CNTLN: variants seen among roughly 807,000 people sequenced by gnomAD.
The protein encoded by CNTLN is centlein, centrosomal protein.
CNTLN carries 212 observed loss-of-function variants against 180.0 expected under a neutral mutation model. That is an observed-to-expected ratio of 1.18 (90% CI 1.05 to 1.32). CNTLN has a LOEUF of 1.32. Among genes scored for constraint, CNTLN ranks in the 40% most tolerant of loss-of-function variants. CNTLN has a pLI of 0.00. For synonymous variants in CNTLN, 722 were observed against 563.1 expected (o/e 1.28, Z -3.99); for missense variants, 2,095 against 1,610.9 (o/e 1.30, Z -5.14).
At chr9:17,522,197 A>G in the CNTLN span, among the ~76,000 whole-genome samples, 4 of 152,302 alleles carry the variant, frequency 2.6e-5, no homozygotes, top group East Asian at 7.7e-4. Context: ...CGTGGCTAGT[A>G]TAGTGCCTGC....
intron 15 of CNTLN, among the ~76,000 whole-genome samples, chr9:17,406,205 G>C (rs1827378662): frequency 6.6e-6 from 1 of 151,664 alleles, no homozygotes; most frequent in African/African-American, 2.4e-5. Flanking sequence ...CATCTACTCT[G>C]TCAGGAAATC....
At chr9:17,304,444 T>C (rs1049392143) in intron 7 of CNTLN, among the ~76,000 whole-genome samples, 4 of 152,176 alleles carry the variant, frequency 2.6e-5, no homozygotes, top group African/African-American at 9.6e-5. Flanking sequence ...CCAACATGGT[T>C]GGGGTACTAA....
chr9:17,137,355 G>C (rs1277644420), intron 1 of CNTLN, among the ~76,000 whole-genome samples: 2 of 152,156 alleles, frequency 1.3e-5, no homozygotes, highest in South Asian at 2.1e-4. Context: ...CAATTGTTTT[G>C]TAAAAAGCAT....
intron 12 of CNTLN, among the ~76,000 whole-genome samples, chr9:17,348,528 CTTTCTT>C (rs1564016413): frequency 1.3e-5 from 2 of 148,790 alleles, no homozygotes; most frequent in African/African-American, 5.0e-5. Context: ...TTCTTTCTTT[CTTTCTT>C]TTTTTTTTTT....
chr9:17,480,582 A>G (rs981914460), intron 23 of CNTLN, among the ~76,000 whole-genome samples: 2 of 152,196 alleles, frequency 1.3e-5, no homozygotes, highest in Non-Finnish European at 2.9e-5. Context: ...TTTCAAAGCC[A>G]TGTGGAACAT....
chr9:17,162,355 C>G (rs1048697865), intron 2 of CNTLN, among the ~76,000 whole-genome samples: 4 of 152,204 alleles, frequency 2.6e-5, no homozygotes, highest in African/African-American at 9.6e-5. Context: ...ACCTCATGAT[C>G]TGCCCGCCTC....
At chr9:17,307,979 C>G (rs1818842931) in intron 7 of CNTLN, among the ~76,000 whole-genome samples, 1 of 126,778 alleles carries the variant, frequency 7.9e-6, no homozygotes, top group African/African-American at 3.5e-5. Flanking sequence ...AAACCACACA[C>G]ACACACACAC....
Position 17,277,257 on chromosome 9 carries a change from G to T in CNTLN, c.983+3391G>T, listed in dbSNP as rs1384993835. On this transcript the variant is annotated intron_variant, in intron 6 of 25. Coordinates refer to ENST00000380647, the MANE Select transcript of CNTLN (RefSeq NM_017738.4). ...ATTCCTTGGTATCTGTGGGGGATTG[G>T]TTTAGATGGGGTAGATGGGGTAGAA... Among the ~76,000 whole-genome samples the T allele has an allele frequency of 4.0e-5, 3 of 75,644 alleles. 1 individual carries two copies. Among genetic ancestry groups the T allele is most frequent in the Non-Finnish European group, 8.3e-5 (3 of 36,222 alleles). 49.6% of individuals were successfully genotyped at this position (75,644 alleles called of 152,430 possible).
At chr9:17,281,238 C>T (rs150643797) in intron 6 of CNTLN, among the ~76,000 whole-genome samples, 2,678 of 151,870 alleles carry the variant, frequency 0.018, 89 homozygotes, top group African/African-American at 0.062. Flanking sequence ...ATTTTATTAC[C>T]CCCATTCCTT....
Position 17,406,567 on chromosome 9 carries a change from C to T in CNTLN, c.2616-2726C>T, listed in dbSNP as rs780679543. ...AGATTTCAGCCTGCCACCATTTTAC[C>T]TCCCATAATTTGGATTCCTTCCTCT... On this transcript the variant is annotated intron_variant, in intron 15 of 25. Coordinates refer to ENST00000380647, the MANE Select transcript of CNTLN (RefSeq NM_017738.4). Among the ~76,000 whole-genome samples, 7 of 151,826 alleles carry T rather than the reference C, an allele frequency of 4.6e-5. No individual in the cohort carries two copies. The East Asian group carries it at 1.4e-3, about 29-fold the overall frequency.
intron 8 of CNTLN, among the ~76,000 whole-genome samples, chr9:17,312,624 C>T (rs1285784597): frequency 3.5e-5 from 5 of 143,674 alleles, no homozygotes; most frequent in East Asian, 2.0e-4. Flanking sequence ...AGGACAATCT[C>T]GATCTCCTGG....
At chr9:17,237,199 A>AG in intron 5 of CNTLN, among the ~76,000 whole-genome samples, 1 of 152,174 alleles carries the variant, frequency 6.6e-6, no homozygotes, top group African/African-American at 2.4e-5. Flanking sequence ...TTTCAAAATA[A>AG]TACTTTTTTA....
chr9:17,340,707 A>G, intron 10 of CNTLN, 120 bp from the exon 11 acceptor site: 1 of 733,232 alleles, frequency 1.4e-6, no homozygotes, highest in Middle Eastern at 2.9e-4. Flanking sequence ...TTACAGATTC[A>G]TTTATGTTTA....
intron 7 of CNTLN, among the ~76,000 whole-genome samples, chr9:17,304,364 C>T (rs373664812): frequency 6.6e-6 from 1 of 152,106 alleles, no homozygotes; most frequent in Non-Finnish European, 1.5e-5. Flanking sequence ...TTTATATCTG[C>T]ACCTTTATAT....
chr9:17,332,572 C>G (rs565460892), intron 9 of CNTLN, 33 bp from the exon 10 acceptor site: 14 of 1,572,334 alleles, frequency 8.9e-6, no homozygotes, highest in African/African-American at 2.8e-5. Context: ...AGTGTTCCAA[C>G]TAGTTCAACC....
chr9:17,505,624 A>G (rs2134443029), downstream of CNTLN, among the ~76,000 whole-genome samples: 1 of 152,328 alleles, frequency 6.6e-6, no homozygotes, highest in South Asian at 2.1e-4. Flanking sequence ...CACTAGCGAA[A>G]GAAATGAAAA....
At chr9:17,402,047 G>T (rs961574379) in intron 15 of CNTLN, among the ~76,000 whole-genome samples, 1 of 151,784 alleles carries the variant, frequency 6.6e-6, no homozygotes, top group Non-Finnish European at 1.5e-5. Flanking sequence ...CAAAGATTAT[G>T]AATATGTCTG....
intron 12 of CNTLN, among the ~76,000 whole-genome samples, chr9:17,352,481 A>G (rs2133305076): frequency 6.6e-6 from 1 of 151,050 alleles, no homozygotes; most frequent in Non-Finnish European, 1.5e-5. Context: ...AGATGGAAAG[A>G]AAATGCTTAG....
rs370457560 is a variant in CNTLN, at chr9:17,419,246, G to T, written c.3114+3057G>T. On this transcript the variant is annotated intron_variant, in intron 18 of 25. Transcript: ENST00000380647. ...AAAGATTTGTGATTCCCAAAAGCAGGTACTGTAAATATCATTGTAAAATAT... is the reference window on the plus strand; with the variant it reads ...AAAGATTTGTGATTCCCAAAAGCAGTTACTGTAAATATCATTGTAAAATAT... 1.6e-4 allele frequency among the ~76,000 whole-genome samples: 25 copies of T among 152,156 alleles called. No homozygotes were observed. The East Asian group carries it at 1.9e-3, about 12-fold the overall frequency.
Sources: allele counts gnomAD v4.1 joint callset (sites outside exome capture counted in the v4.1 genomes callset), GRCh38; gene constraint gnomAD v4.1.1; transcripts MANE v1.5; gene names NCBI Gene and HGNC (gene_info 2026-07-23, HGNC 2026-07-21).